The following IGF1R variants were observed in gnomAD, a reference collection of about 807,000 sequenced individuals.
The protein encoded by IGF1R is insulin-like growth factor 1 receptor.
A neutral mutation model predicts 144.6 loss-of-function variants in IGF1R; 44 were observed. That is an observed-to-expected ratio of 0.30 (90% CI 0.24 to 0.39). The LOEUF (loss-of-function observed/expected upper bound fraction) is 0.39, where lower values mean the gene tolerates loss of function less well. Among genes scored for constraint, IGF1R ranks in the 10% least tolerant of loss-of-function variants. The probability of loss-of-function intolerance (pLI) is 1.00; values close to 1 mark genes in which losing one functional copy is unlikely to be tolerated. For missense variants in IGF1R, 1,355 were observed against 1,833.7 expected (o/e 0.74, Z 4.77); for synonymous variants, 795 against 722.8 (o/e 1.10, Z -1.60).
chr15:98,898,106 GC>G (rs1267275639), intron 4 of IGF1R, among the ~76,000 whole-genome samples: 3 of 152,150 alleles, frequency 2.0e-5, no homozygotes, highest in African/African-American at 7.2e-5. Flanking sequence ...CCCACTCCCA[GC>G]CCTCCGTGAT....
At position 98,943,012 on chromosome 15, in the gene IGF1R, T is replaced by A; in HGVS notation, c.3547T>A (p.Ser1183Thr). 1 of 1,614,134 alleles carries A rather than the reference T, an allele frequency of 6.2e-7. No individual in the cohort carries two copies. The highest frequency in any genetic ancestry group is 8.5e-7 in the Non-Finnish European group (1 of 1,179,976). ...LLPVRWMSPE[S>T]LKDGVFTTYS... ...GCCCGTGCGCTGGATGTCTCCTGAG[T>A]CCCTCAAGGATGGAGTCTTCACCAC... The change falls in exon 19 of 21, where the codon TCC (serine) becomes ACC (threonine). Residue 1183 changes from serine (S) to threonine (T), a missense_variant. By Grantham distance (58) the Ser-to-Thr change is moderately conservative (BLOSUM62 1). Around this residue, in one of 7 missense-constraint regions of IGF1R, gnomAD observed 77 missense variants for 163.2 expected, o/e 0.47. Coordinates refer to ENST00000650285, the MANE Select transcript of IGF1R (RefSeq NM_000875.5).
At chr15:98,746,230 G>A (rs916199784) in intron 2 of IGF1R, among the ~76,000 whole-genome samples, 3 of 152,156 alleles carry the variant, frequency 2.0e-5, no homozygotes, top group South Asian at 2.1e-4. Flanking sequence ...ATGATTCACC[G>A]GGGTAGGTGG....
At chr15:98,855,597 C>T (rs967155236) in intron 2 of IGF1R, among the ~76,000 whole-genome samples, 5 of 152,204 alleles carry the variant, frequency 3.3e-5, no homozygotes, top group African/African-American at 4.8e-5. Context: ...TTTGTACCCC[C>T]GCTTGGCAAG....
intron 13 of IGF1R, among the ~76,000 whole-genome samples, chr15:98,925,864 C>T (rs1009292533): frequency 9.2e-5 from 14 of 152,148 alleles, no homozygotes; most frequent in African/African-American, 3.1e-4. Flanking sequence ...AGATATGTCA[C>T]TGCACTCCAG....
At chr15:98,955,497 G>A (rs548070420) in intron 20 of IGF1R, among the ~76,000 whole-genome samples, 4 of 152,384 alleles carry the variant, frequency 2.6e-5, no homozygotes, top group South Asian at 2.1e-4. Context: ...ATGAGGGAGC[G>A]TGGCCCCATG....
At chr15:98,778,426 T>C (rs2141387084) in intron 2 of IGF1R, among the ~76,000 whole-genome samples, 1 of 152,310 alleles carries the variant, frequency 6.6e-6, no homozygotes, top group Non-Finnish European at 1.5e-5. Flanking sequence ...ATTTTGCCTA[T>C]CCTTCCACTT....
chr15:98,651,191 G>A, intron 1 of IGF1R: 1 of 354,732 alleles, frequency 2.8e-6, no homozygotes, highest in Non-Finnish European at 3.9e-6. Context: ...GAGGTTGTAT[G>A]GCCCCATCAC....
rs563320260 is a variant in IGF1R, at chr15:98,959,123, A to G, written c.*1681A>G. On this transcript the variant is annotated 3_prime_UTR_variant, in exon 21 of 21. Coordinates refer to ENST00000650285, the MANE Select transcript of IGF1R (RefSeq NM_000875.5). ...TTAAATATTTCACACGTCTTTGTTC[A>G]GTGTTTCCACTCACCGTGGTTGAGA... 13 of 233,328 alleles carry G rather than the reference A, an allele frequency of 5.6e-5. No homozygotes were observed. The highest frequency in any genetic ancestry group is 2.2e-4 in the Admixed American group (4 of 17,796). The allele number at this position is 233,328 out of a possible 1,614,324, so 14.5% of individuals were successfully genotyped here.
chr15:98,800,679 C>T (rs1190907661), intron 2 of IGF1R, among the ~76,000 whole-genome samples: 1 of 152,080 alleles, frequency 6.6e-6, no homozygotes, highest in African/African-American at 2.4e-5. Flanking sequence ...GCAAACTTCT[C>T]AAGGGGAGGC....
rs2053881627 is a variant in IGF1R, at chr15:98,707,042, G to GT, written c.95-514dup. 6.6e-6 allele frequency among the ~76,000 whole-genome samples: 1 copy of GT among 152,160 alleles called. No individual in the cohort carries two copies. Among genetic ancestry groups the GT allele is most frequent in the South Asian group, 2.1e-4 (1 of 4,822 alleles). The stretch of plus-strand genomic sequence containing the variant: ...GGTAGTGGGAAGCATGGAAGCATGC[G>GT]TTTTTTAGTCCCCACTTTACAAGTC... On this transcript the variant is annotated intron_variant, in intron 1 of 20. Transcript: ENST00000650285. The surrounding 1 kb of genome is among the most constrained non-coding windows in gnomAD (Gnocchi z 6.7).
chr15:98,716,080 G>A (rs189272103), intron 2 of IGF1R, among the ~76,000 whole-genome samples: 228 of 152,328 alleles, frequency 1.5e-3, no homozygotes, highest in African/African-American at 5.4e-3. Context: ...TGTGAGGCTG[G>A]TGAGGGACAG....
intron 2 of IGF1R, among the ~76,000 whole-genome samples, chr15:98,821,658 ACT>A (rs986746307): frequency 6.6e-6 from 1 of 152,042 alleles, no homozygotes; most frequent in Admixed American, 6.6e-5. Context: ...ATAAGATGTA[ACT>A]CTCTTACCTT....
At position 98,743,257 on chromosome 15, in the gene IGF1R, CTG is replaced by C. The variant is rs575270159; in HGVS notation, c.640+35154_640+35155del. 1.1e-3 allele frequency among the ~76,000 whole-genome samples: 167 copies of C among 152,236 alleles called. 1 individual carries two copies. The highest frequency in any genetic ancestry group is 3.2e-3 in the African/African-American group (134 of 41,546). On this transcript the variant is annotated intron_variant, in intron 2 of 20. Transcript: ENST00000650285. ...GATTTAGAAATGGAAACACAATAAA[CTG>C]TGTTTCCATGACACAGGTATACTAC...
chr15:98,695,409 C>A (rs2141239271), intron 1 of IGF1R, among the ~76,000 whole-genome samples: 1 of 152,314 alleles, frequency 6.6e-6, no homozygotes, highest in East Asian at 1.9e-4. Context: ...CCTCTTCAAT[C>A]ATATGCACCT....
rs954359685 is a variant in IGF1R at position 98,959,605 on chromosome 15, A to G, written c.*2163A>G. The G allele has an allele frequency of 4.3e-6, 1 of 233,502 alleles. No individual in the cohort carries two copies. The highest frequency in any genetic ancestry group is 8.5e-6 in the Non-Finnish European group (1 of 117,982). The allele number at this position is 233,502 out of a possible 1,614,324, so 14.5% of individuals were successfully genotyped here. The stretch of plus-strand genomic sequence containing the variant: ...GGTGCTGGCCCACTTTCCCTCGGCC[A>G]GGAATCCAGGTCCTTGGGGCCCAGG... On this transcript the variant is annotated 3_prime_UTR_variant, in exon 21 of 21. Coordinates refer to ENST00000650285, the MANE Select transcript of IGF1R (RefSeq NM_000875.5).
At chr15:98,710,001 A>C (rs1372472528) in intron 2 of IGF1R, among the ~76,000 whole-genome samples, 1 of 152,204 alleles carries the variant, frequency 6.6e-6, no homozygotes, top group Admixed American at 6.5e-5. Context: ...AGAAATGAGC[A>C]AGTTATTTAA....
At chr15:98,655,374 G>A (rs1197561423) in intron 1 of IGF1R, among the ~76,000 whole-genome samples, 1 of 152,244 alleles carries the variant, frequency 6.6e-6, no homozygotes, top group Middle Eastern at 3.4e-3. Context: ...GAAAGTCCCA[G>A]ATACCATTTT....
chr15:98,885,258 A>G (rs2013583103), intron 2 of IGF1R, among the ~76,000 whole-genome samples: 1 of 152,166 alleles, frequency 6.6e-6, no homozygotes, highest in African/African-American at 2.4e-5. Flanking sequence ...GCTAAAATCA[A>G]AAGAAGCCTT....
chr15:98,664,349 T>G (rs1243498059), intron 1 of IGF1R, among the ~76,000 whole-genome samples: 1 of 152,078 alleles, frequency 6.6e-6, no homozygotes, highest in Non-Finnish European at 1.5e-5. Context: ...TCTCCTTTCC[T>G]CATCTGTAAA....
Sources: allele counts gnomAD v4.1 joint callset (sites outside exome capture counted in the v4.1 genomes callset), GRCh38; gene constraint gnomAD v4.1.1; regional missense constraint gnomAD v4.1.1; non-coding constraint Gnocchi (gnomAD v3.1); transcripts MANE v1.5; gene names NCBI Gene and HGNC (gene_info 2026-07-23, HGNC 2026-07-21).